Variants in ASTN1 observed in about 807,000 individuals in gnomAD.
ASTN1 encodes astrotactin 1, also known as astrotactin-1.
A neutral mutation model predicts 140.7 loss-of-function variants in ASTN1; 41 were observed. That is an observed-to-expected ratio of 0.29 (90% CI 0.23 to 0.38). ASTN1 has a LOEUF of 0.38. Ranked by LOEUF, ASTN1 falls within the 10% of genes least tolerant of loss-of-function variation. The probability of loss-of-function intolerance (pLI) is 1.00; values close to 1 mark genes in which losing one functional copy is unlikely to be tolerated. For missense variants in ASTN1, 1,479 were observed against 1,678.8 expected, an observed-to-expected ratio of 0.88 and a Z score of 2.08; for synonymous variants, 640 against 652.2, an observed-to-expected ratio of 0.98 and a Z score of 0.29.
chr1:177,029,581 C>A, intron 5 of ASTN1, 53 bp downstream of exon 5: 1 of 1,564,168 alleles, frequency 6.4e-7, no homozygotes, highest in South Asian at 1.1e-5. Flanking sequence ...CCTTCCCCCG[C>A]CTCCCTCACT....
At chr1:177,119,159 T>C (rs189753474) in intron 1 of ASTN1, among the ~76,000 whole-genome samples, 2 of 152,276 alleles carry the variant, frequency 1.3e-5, no homozygotes, top group East Asian at 1.9e-4. Flanking sequence ...TTTTTGTTTC[T>C]TTGGCTGTGT....
intron 2 of ASTN1, among the ~76,000 whole-genome samples, chr1:177,036,062 T>TTTTG (rs1676703051): frequency 7.2e-6 from 1 of 138,662 alleles, no homozygotes; most frequent in African/African-American, 2.6e-5. Context: ...TTTTTTTTTT[T>TTTTG]GAGATGGAGT....
Position 176,861,440 on chromosome 1 carries a change from G to C in ASTN1, c.*2844C>G. On this transcript the variant is annotated 3_prime_UTR_variant, in exon 23 of 23. Coordinates refer to ENST00000361833, the MANE Select transcript of ASTN1 (RefSeq NM_004319.3). The stretch of plus-strand genomic sequence containing the variant: ...CACCTCCCTTAAGACCTGTTTGGCA[G>C]CTTGAAAACTCAAGGTTGAATACCG... 2.0e-6 allele frequency: 2 copies of C among 985,846 alleles called. No homozygotes were observed. The highest frequency in any genetic ancestry group is 2.4e-6 in the Non-Finnish European group (2 of 829,940). The allele number at this position is 985,846 out of a possible 1,614,324, so 61.1% of individuals were successfully genotyped here. A position where few individuals can be genotyped will look rare whatever the true frequency, so the allele number is the denominator to read the frequency against.
At chr1:177,089,125 T>A (rs1273524320) in intron 1 of ASTN1, among the ~76,000 whole-genome samples, 3 of 152,186 alleles carry the variant, frequency 2.0e-5, no homozygotes, top group African/African-American at 7.2e-5. Context: ...TACAGCCAGT[T>A]ATTTGCCTCA....
At chr1:177,120,999 G>A (rs1681354955) in intron 1 of ASTN1, among the ~76,000 whole-genome samples, 1 of 152,136 alleles carries the variant, frequency 6.6e-6, no homozygotes, top group Admixed American at 6.5e-5. Context: ...TTTCATCCTA[G>A]GGAAATCAGA....
At chr1:177,124,433 T>C (rs1368835606) in intron 1 of ASTN1, among the ~76,000 whole-genome samples, 1 of 152,168 alleles carries the variant, frequency 6.6e-6, no homozygotes, top group African/African-American at 2.4e-5. Context: ...CACAAAATTC[T>C]CACCAGGAGG....
At chr1:176,906,508 T>A (rs1406983169) in intron 16 of ASTN1, among the ~76,000 whole-genome samples, 1 of 151,644 alleles carries the variant, frequency 6.6e-6, no homozygotes, top group Non-Finnish European at 1.5e-5. Context: ...TGATAAGAGG[T>A]GTTATTAGTG....
At chr1:177,040,052 C>T (rs1483688143) in intron 2 of ASTN1, among the ~76,000 whole-genome samples, 4 of 152,192 alleles carry the variant, frequency 2.6e-5, no homozygotes, top group African/African-American at 4.8e-5. Context: ...GAAGGAGTTG[C>T]CCAAACTGGA....
intron 16 of ASTN1, among the ~76,000 whole-genome samples, chr1:176,915,051 G>T (rs16850390): frequency 0.021 from 3,200 of 152,158 alleles, 119 homozygotes; most frequent in African/African-American, 0.073. Flanking sequence ...AAATTAGCAG[G>T]TTTCCTGTCA....
At chr1:177,140,609 G>A (rs1436863281) in intron 1 of ASTN1, among the ~76,000 whole-genome samples, 1 of 152,170 alleles carries the variant, frequency 6.6e-6, no homozygotes, top group Non-Finnish European at 1.5e-5. Flanking sequence ...GTGTCCATGT[G>A]TGTATAGCTA....
At chr1:176,992,283 A>G (rs1674219185) in intron 8 of ASTN1, among the ~76,000 whole-genome samples, 1 of 152,188 alleles carries the variant, frequency 6.6e-6, no homozygotes. Flanking sequence ...CTGGCATCCA[A>G]CACAGGACCT....
In ASTN1 at chr1:176,863,048, T is replaced by C. The variant is rs767209146; in HGVS notation, c.*1236A>G. On this transcript the variant is annotated 3_prime_UTR_variant, in exon 23 of 23. Coordinates refer to ENST00000361833, the MANE Select transcript of ASTN1 (RefSeq NM_004319.3). ...CTGAAAGGCTGGGCTTCCTGTTGGCTGGGCCACCATTCATGACCATGCCAA... is the reference window on the plus strand; with the variant it reads ...CTGAAAGGCTGGGCTTCCTGTTGGCCGGGCCACCATTCATGACCATGCCAA... 3.0e-6 allele frequency: 3 copies of C among 985,630 alleles called. No individual in the cohort carries two copies. Among genetic ancestry groups the C allele is most frequent in the Non-Finnish European group, 3.6e-6 (3 of 829,954 alleles). The allele number at this position is 985,630 out of a possible 1,614,324, so 61.1% of individuals were successfully genotyped here.
At chr1:176,891,715 C>T (rs1669276043) in intron 17 of ASTN1, among the ~76,000 whole-genome samples, 1 of 152,116 alleles carries the variant, frequency 6.6e-6, no homozygotes, top group Non-Finnish European at 1.5e-5. Flanking sequence ...ATCGCTTGAA[C>T]CCGGGAAGAG....
chr1:176,970,552 G>T (rs1558000146), intron 8 of ASTN1, among the ~76,000 whole-genome samples: 1 of 150,198 alleles, frequency 6.7e-6, no homozygotes. Flanking sequence ...AGAAGAAATA[G>T]AGATAGGTAG....
rs865808957 is a variant in ASTN1, at chr1:176,988,334, C to T, written c.1524-23097G>A. Among the ~76,000 whole-genome samples, 42 of 115,838 alleles carry T rather than the reference C, an allele frequency of 3.6e-4. No homozygotes were observed. In the South Asian group the frequency reaches 0.011, roughly 30 times the overall value. 76.0% of individuals were successfully genotyped at this position (115,838 alleles called of 152,430 possible). A position where few individuals can be genotyped will look rare whatever the true frequency, so the allele number is the denominator to read the frequency against. On this transcript the variant is annotated intron_variant, in intron 8 of 22. Coordinates refer to ENST00000361833, the MANE Select transcript of ASTN1 (RefSeq NM_004319.3). ...TATATTGGGAAAAAAAAAAAAAAAA[C>T]CTTTCCTTTTAGATCCCCAAATGTT...
rs77535981 is a variant in ASTN1 at position 177,115,913 on chromosome 1, G to T, written c.283+48481C>A. ...ATTGTATCATACTCCATAGAGATTT[G>T]TAATCTGGATTTTCCATTGAACACT... On this transcript the variant is annotated intron_variant, in intron 1 of 22. Transcript: ENST00000361833. Among the ~76,000 whole-genome samples the T allele has an allele frequency of 3.0e-3, 458 of 152,182 alleles. 3 individuals are homozygous for T. Among genetic ancestry groups the T allele is most frequent in the African/African-American group, 0.01 (423 of 41,518 alleles).
intron 1 of ASTN1, among the ~76,000 whole-genome samples, chr1:177,070,417 GAATGGAAAAAAGA>G (rs1678580963): frequency 6.6e-6 from 1 of 152,154 alleles, no homozygotes; most frequent in Non-Finnish European, 1.5e-5. Context: ...CTTATAAAAT[GAATGGAAAAAAGA>G]ATTGAAAATG....
chr1:177,062,859 C>T (rs114726763), intron 1 of ASTN1, among the ~76,000 whole-genome samples: 114 of 152,234 alleles, frequency 7.5e-4, no homozygotes, highest in African/African-American at 2.5e-3. Context: ...CTAATCTAAA[C>T]GAGATCCTCA....
chr1:176,924,271 A>G (rs1670859882), intron 16 of ASTN1, among the ~76,000 whole-genome samples: 1 of 152,222 alleles, frequency 6.6e-6, no homozygotes, highest in South Asian at 2.1e-4. Context: ...TCTAGGAGCT[A>G]TGGGAATTCA....
Sources: gnomAD v4.1 joint callset for allele counts (sites outside exome capture counted in the v4.1 genomes callset) on GRCh38, gnomAD v4.1.1 for gene constraint, MANE v1.5 for transcripts, NCBI Gene and HGNC (gene_info 2026-07-23, HGNC 2026-07-21) for gene names.